Variants in M1AP observed in about 807,000 individuals in gnomAD.
M1AP encodes the protein meiosis 1 arrest protein.
Under a neutral mutation model 51.2 loss-of-function variants are expected in M1AP, and 39 were observed. The observed-to-expected ratio is 0.76, with a 90% CI of 0.59 to 1.00. The LOEUF (loss-of-function observed/expected upper bound fraction) is 1.00. Among genes scored for constraint, M1AP ranks in the 50% least tolerant of loss-of-function variants. The probability of loss-of-function intolerance (pLI) is 0.00; values close to 1 mark genes in which losing one functional copy is unlikely to be tolerated. For synonymous variants in M1AP, 251 were observed against 249.2 expected (o/e 1.01, Z -0.07); for missense variants, 545 against 641.2 (o/e 0.85, Z 1.62).
chr2:74,638,541 C>T (rs533726038), intron 2 of M1AP, among the ~76,000 whole-genome samples: 3 of 152,138 alleles, frequency 2.0e-5, no homozygotes, highest in Non-Finnish European at 4.4e-5. Flanking sequence ...GAGACTAAGA[C>T]ATAAAAGGTA....
chr2:74,590,279 T>C (rs1407557175), intron 4 of M1AP, among the ~76,000 whole-genome samples: 1 of 152,168 alleles, frequency 6.6e-6, no homozygotes, highest in African/African-American at 2.4e-5. Flanking sequence ...TGTATCCTCA[T>C]ATGGTGGAGG....
chr2:74,611,874 A>G (rs1225668138), intron 3 of M1AP, among the ~76,000 whole-genome samples: 1 of 142,764 alleles, frequency 7.0e-6, no homozygotes, highest in Non-Finnish European at 1.5e-5. Context: ...AAACAACAAC[A>G]AAAAAGTGTT....
chr2:74,589,081 T>C (rs1679888048), intron 4 of M1AP, among the ~76,000 whole-genome samples: 1 of 152,226 alleles, frequency 6.6e-6, no homozygotes, highest in Non-Finnish European at 1.5e-5. Context: ...CGCGCGTGCA[T>C]GCATGTGAAG....
At chr2:74,631,046 A>G (rs1682676381) in intron 2 of M1AP, among the ~76,000 whole-genome samples, 1 of 152,106 alleles carries the variant, frequency 6.6e-6, no homozygotes, top group Non-Finnish European at 1.5e-5. Flanking sequence ...CCTAGTATAC[A>G]TTTGCCCACC....
At chr2:74,581,986 A>T (rs1318991723) in intron 4 of M1AP, 139 bp from the exon 5 acceptor site, 5 of 687,734 alleles carry the variant, frequency 7.3e-6, no homozygotes, top group Non-Finnish European at 1.2e-5. Context: ...GGCTATTCAC[A>T]TGCACAATCA....
intron 2 of M1AP, chr2:74,619,167 T>C: frequency 4.0e-6 from 1 of 250,006 alleles, no homozygotes; most frequent in Non-Finnish European, 8.3e-6. Flanking sequence ...TCCTTCCTCC[T>C]ACCCACCAAA....
intron 2 of M1AP, among the ~76,000 whole-genome samples, chr2:74,626,577 A>G (rs1430144444): frequency 6.6e-6 from 1 of 152,210 alleles, no homozygotes; most frequent in Non-Finnish European, 1.5e-5. Context: ...AACTTTTTAC[A>G]CAAACTTTCC....
chr2:74,626,238 T>C (rs1178078390), intron 2 of M1AP, among the ~76,000 whole-genome samples: 1 of 151,532 alleles, frequency 6.6e-6, no homozygotes, highest in Non-Finnish European at 1.5e-5. Context: ...CATAGTTTAA[T>C]ATGTTAAGCT....
chr2:74,623,085 A>G (rs1335942783), intron 2 of M1AP, among the ~76,000 whole-genome samples: 1 of 152,180 alleles, frequency 6.6e-6, no homozygotes, highest in African/African-American at 2.4e-5. Context: ...CAGTAATTAC[A>G]ATAAATACAA....
chr2:74,597,441 T>C (rs1161546461), intron 4 of M1AP, among the ~76,000 whole-genome samples: 4 of 152,246 alleles, frequency 2.6e-5, no homozygotes, highest in Admixed American at 2.6e-4. Context: ...GTATCTGTTC[T>C]GACAATTGCA....
intron 1 of M1AP, 108 bp from the exon 2 acceptor site, chr2:74,640,435 G>T: frequency 1.1e-6 from 1 of 932,212 alleles, no homozygotes; most frequent in Non-Finnish European, 1.6e-6. Context: ...GAGTCAGATT[G>T]GGTACTAAAG....
At chr2:74,588,325 A>G (rs981977199) in intron 4 of M1AP, among the ~76,000 whole-genome samples, 4 of 152,218 alleles carry the variant, frequency 2.6e-5, no homozygotes, top group Non-Finnish European at 5.9e-5. Flanking sequence ...CTATGACCCC[A>G]AAAAGGTCAA....
chr2:74,559,779 C>CTATA, intron 9 of M1AP, 70 bp from the exon 10 acceptor site: 1 of 712,138 alleles, frequency 1.4e-6, no homozygotes, highest in Non-Finnish European at 2.6e-6. Context: ...GACTGGTGCT[C>CTATA]TATAAATATT....
At chr2:74,616,903 C>A (rs1431935559) in intron 2 of M1AP, among the ~76,000 whole-genome samples, 1 of 152,154 alleles carries the variant, frequency 6.6e-6, no homozygotes, top group Non-Finnish European at 1.5e-5. Flanking sequence ...TCGAATGACA[C>A]AACATTCAGT....
intron 8 of M1AP, among the ~76,000 whole-genome samples, chr2:74,561,265 A>AGGAGGAGGAGG (rs1677990110): frequency 2.8e-5 from 1 of 35,410 alleles, no homozygotes; most frequent in African/African-American, 1.1e-4. Flanking sequence ...GGAGGAGAAG[A>AGGAGGAGGAGG]AGAAAAAGAA....
chr2:74,628,904 A>G (rs1329781514), intron 2 of M1AP: 5 of 409,058 alleles, frequency 1.2e-5, no homozygotes, highest in Non-Finnish European at 2.0e-5. Context: ...CAATTAGTGA[A>G]ACATCTGCAG....
At chr2:74,625,969 T>C (rs1030563525) in intron 2 of M1AP, among the ~76,000 whole-genome samples, 7 of 152,232 alleles carry the variant, frequency 4.6e-5, no homozygotes, top group African/African-American at 1.7e-4. Context: ...TCTGCATGCC[T>C]GTAAGCCCAG....
chr2:74,644,062 TA>T (rs1170216221), intron 1 of M1AP, among the ~76,000 whole-genome samples: 11 of 152,096 alleles, frequency 7.2e-5, no homozygotes, highest in African/African-American at 4.8e-5. Context: ...AGAAATATGA[TA>T]AAAAAGATAG....
At chr2:74,573,736 T>A (rs1678891552) in intron 7 of M1AP, among the ~76,000 whole-genome samples, 1 of 152,214 alleles carries the variant, frequency 6.6e-6, no homozygotes, top group African/African-American at 2.4e-5. Flanking sequence ...GAGATGAACA[T>A]GCTGGTACAT....
Sources: gnomAD v4.1 joint callset for allele counts (sites outside exome capture counted in the v4.1 genomes callset) on GRCh38, gnomAD v4.1.1 for gene constraint, MANE v1.5 for transcripts, NCBI Gene and HGNC (gene_info 2026-07-23, HGNC 2026-07-21) for gene names.